Variants in JAK1 observed in about 807,000 individuals in gnomAD.
JAK1 encodes the protein tyrosine-protein kinase JAK1.
Under a neutral mutation model 136.6 loss-of-function variants are expected in JAK1, and 16 were observed. The ratio of observed to expected loss-of-function variants is 0.12; its 90% CI spans 0.08 to 0.18. The LOEUF (loss-of-function observed/expected upper bound fraction) is 0.18. Ranked by LOEUF, JAK1 falls within the 10% of genes least tolerant of loss-of-function variation. JAK1 has a pLI of 1.00. For synonymous variants in JAK1, 492 were observed against 519.5 expected (o/e 0.95, Z 0.72); for missense variants, 859 against 1,450.1 (o/e 0.59, Z 6.62).
intron 2 of JAK1, among the ~76,000 whole-genome samples, chr1:65,027,329 A>T (rs1646986841): frequency 6.6e-6 from 1 of 152,048 alleles, no homozygotes. Flanking sequence ...CTGGGATTAC[A>T]GGTGTGAGCC....
chr1:64,890,669 T>G lies in JAK1; in HGVS notation c.-77-4328A>C, dbSNP rs372916789. 2.3e-4 allele frequency among the ~76,000 whole-genome samples: 35 copies of G among 152,340 alleles called. 9 individuals carry two copies. Among genetic ancestry groups the G allele is most frequent in the Admixed American group, 3.9e-4 (6 of 15,304 alleles). On this transcript the variant is annotated intron_variant, in intron 1 of 24. Transcript: ENST00000342505. ...TCATCAAGTACCTACAATGCCCTTT[T>G]TGCAAGAGGCTATAGATGTGTAAGT...
intron 2 of JAK1, among the ~76,000 whole-genome samples, chr1:65,021,184 G>A (rs908668153): frequency 6.6e-6 from 1 of 152,140 alleles, no homozygotes. Context: ...GCAAAGAGTA[G>A]ATCCGAAGTG....
chr1:65,030,428 T>A (rs1647012554), intron 2 of JAK1, among the ~76,000 whole-genome samples: 1 of 152,144 alleles, frequency 6.6e-6, no homozygotes, highest in Non-Finnish European at 1.5e-5. Flanking sequence ...AAAAGCCAAT[T>A]AATAAATGGG....
intron 2 of JAK1, chr1:64,990,919 C>CAAAAAAAAAAA (rs1173485942): frequency 9.1e-5 from 4 of 44,098 alleles, no homozygotes; most frequent in Admixed American, 2.4e-4. Context: ...GACTCCGTCT[C>CAAAAAAAAAAA]AAAAAAAAAA....
chr1:64,954,171 T>C (rs767001416), intron 1 of JAK1, among the ~76,000 whole-genome samples: 1 of 152,166 alleles, frequency 6.6e-6, no homozygotes, highest in Non-Finnish European at 1.5e-5. Context: ...AAAAGTCTCT[T>C]TGAAGAGTAG....
At chr1:64,956,511 G>A (rs767854182) in intron 1 of JAK1, among the ~76,000 whole-genome samples, 2 of 152,160 alleles carry the variant, frequency 1.3e-5, no homozygotes, top group Non-Finnish European at 2.9e-5. Context: ...CTCAGACCAG[G>A]AGCCCTTCTC....
chr1:64,870,405 G>A (rs775230488), intron 5 of JAK1, among the ~76,000 whole-genome samples: 62 of 152,166 alleles, frequency 4.1e-4, no homozygotes, highest in Non-Finnish European at 8.2e-4. Flanking sequence ...ATCTCCTGGA[G>A]ATTCCACTCT....
chr1:65,049,005 G>A (rs530911219), intron 1 of JAK1, among the ~76,000 whole-genome samples: 44 of 152,260 alleles, frequency 2.9e-4, no homozygotes, highest in Non-Finnish European at 4.4e-4. Flanking sequence ...CTAAGGCAAC[G>A]GGATCTATTT....
intron 1 of JAK1, among the ~76,000 whole-genome samples, chr1:65,050,284 G>A (rs950495933): frequency 3.3e-5 from 5 of 152,104 alleles, no homozygotes; most frequent in South Asian, 2.1e-4. Flanking sequence ...ATATGCACCC[G>A]CAACACACGT....
At chr1:64,901,114 A>G (rs1645099021) in intron 1 of JAK1, among the ~76,000 whole-genome samples, 1 of 152,160 alleles carries the variant, frequency 6.6e-6, no homozygotes, top group African/African-American at 2.4e-5. Flanking sequence ...TGCAGCTGTT[A>G]TCTGGGTACA....
intron 1 of JAK1, among the ~76,000 whole-genome samples, chr1:64,930,331 G>A (rs1014141891): frequency 7.9e-5 from 12 of 152,042 alleles, no homozygotes; most frequent in Admixed American, 2.6e-4. Flanking sequence ...ATCAAACAGC[G>A]GGCAAAGGAA....
chr1:64,881,926 G>A (rs1644779465), intron 3 of JAK1, among the ~76,000 whole-genome samples: 1 of 151,862 alleles, frequency 6.6e-6, no homozygotes, highest in Admixed American at 6.6e-5. Context: ...AAGGGGAAAG[G>A]GAGAAAACAA....
At chr1:64,986,264 C>A (rs1268083252) in intron 2 of JAK1, among the ~76,000 whole-genome samples, 1 of 152,062 alleles carries the variant, frequency 6.6e-6, no homozygotes, top group Non-Finnish European at 1.5e-5. Context: ...CACAACCACA[C>A]CCTGTTAATT....
intron 2 of JAK1, among the ~76,000 whole-genome samples, chr1:64,993,982 C>A (rs1158873484): frequency 6.6e-6 from 1 of 151,966 alleles, no homozygotes; most frequent in African/African-American, 2.4e-5. Flanking sequence ...TCTCTGGTGC[C>A]CAGACTGGAG....
intron 2 of JAK1, among the ~76,000 whole-genome samples, chr1:65,021,381 T>A (rs1646935496): frequency 6.6e-6 from 1 of 152,212 alleles, no homozygotes; most frequent in Non-Finnish European, 1.5e-5. Context: ...TTCTTCCACC[T>A]CCCACTTCTG....
intron 12 of JAK1, among the ~76,000 whole-genome samples, chr1:64,849,489 T>TGAGCCGCTGTGC (rs901915765): frequency 3.3e-5 from 5 of 152,222 alleles, no homozygotes; most frequent in Non-Finnish European, 5.9e-5. Context: ...AGCCACTGTG[T>TGAGCCGCTGTGC]GAGCCGCTGT....
rs1647306012 is a variant in JAK1 at position 65,052,118 on chromosome 1, A to AC, written c.-180-7537_-180-7536insG. Among the ~76,000 whole-genome samples the AC allele has an allele frequency of 2.6e-4, 24 of 93,566 alleles. 1 individual carries two copies. The allele number at this position is 93,566 out of a possible 152,430, so 61.4% of individuals were successfully genotyped here. On this transcript the variant is annotated intron_variant, in intron 1 of 25. Transcript: ENST00000671954. ...CAAGCATGCACCACCACGCCTGGCTATTTTTTTTTTTTTTTTTTTTTTGGT... is the reference window on the plus strand; with the variant it reads ...CAAGCATGCACCACCACGCCTGGCTACTTTTTTTTTTTTTTTTTTTTTTGGT...
At chr1:64,848,046 C>A in intron 12 of JAK1, 1 of 190,706 alleles carries the variant, frequency 5.2e-6, no homozygotes, top group Non-Finnish European at 1.1e-5. Context: ...AAGAGAGGAG[C>A]CCCCAGGCAG....
At position 64,838,115 on chromosome 1, in the gene JAK1, G is replaced by A. The variant is rs1654607477; in HGVS notation, c.2968-11C>T. The A allele has an allele frequency of 1.2e-6, 2 of 1,608,328 alleles. No homozygotes were observed. The highest frequency in any genetic ancestry group is 1.7e-6 in the Non-Finnish European group (2 of 1,176,178). ...CAAATAGTCCATCCCCTGAGAGAGA[G>A]AAGTAAAAGTCAAGCACATTGCTAA... On this transcript the variant is annotated splice_polypyrimidine_tract_variant and intron_variant, in intron 21 of 24. Transcript: ENST00000342505.
Sources: allele counts gnomAD v4.1 joint callset (sites outside exome capture counted in the v4.1 genomes callset), GRCh38; gene constraint gnomAD v4.1.1; transcripts MANE v1.5; gene names NCBI Gene and HGNC (gene_info 2026-07-23, HGNC 2026-07-21).